Variants in CLSTN2 observed in about 807,000 individuals in gnomAD.
The protein encoded by CLSTN2 is calsyntenin 2.
In CLSTN2, 48 loss-of-function variants were observed where a neutral mutation model predicts 101.2. That is an observed-to-expected ratio of 0.47 (90% CI 0.38 to 0.60). The LOEUF is 0.60. Among genes scored for constraint, CLSTN2 ranks in the 20% least tolerant of loss-of-function variants. CLSTN2 has a pLI of 0.00. For synonymous variants in CLSTN2, 481 were observed against 463.6 expected (o/e 1.04, Z -0.48); for missense variants, 1,160 against 1,238.2 (o/e 0.94, Z 0.95).
At position 140,396,471 on chromosome 3, in the gene CLSTN2, G is replaced by C. The variant is rs2088184478; in HGVS notation, c.233-7158G>C. Among the ~76,000 whole-genome samples the C allele has an allele frequency of 3.3e-5, 5 of 152,104 alleles. No individual in the cohort carries two copies. The South Asian group carries it at 1.0e-3, about 32-fold the overall frequency. ...GACTTTTCTTCAATATAATAACAGG[G>C]AAGAGAGCTAACAATTACACAGTGC... is the stretch of plus-strand genomic sequence containing the variant. On this transcript the variant is annotated intron_variant, in intron 2 of 16. Coordinates refer to ENST00000458420, the MANE Select transcript of CLSTN2 (RefSeq NM_022131.3).
intron 2 of CLSTN2, among the ~76,000 whole-genome samples, chr3:140,396,677 A>C: frequency 6.6e-6 from 1 of 152,182 alleles, no homozygotes; most frequent in Non-Finnish European, 1.5e-5. Flanking sequence ...CCAGATTTGG[A>C]TAGAGATGTG....
chr3:140,385,910 G>A (rs1024345489), intron 2 of CLSTN2, among the ~76,000 whole-genome samples: 3 of 152,152 alleles, frequency 2.0e-5, no homozygotes, highest in East Asian at 1.9e-4. Flanking sequence ...TTGACAGCTG[G>A]CAAAGAGAAG....
intron 2 of CLSTN2, among the ~76,000 whole-genome samples, chr3:140,362,907 A>C (rs375824986): frequency 3.9e-5 from 6 of 152,324 alleles, no homozygotes; most frequent in African/African-American, 1.4e-4. Context: ...CCACCACTTT[A>C]GGAAAACAGT....
intron 1 of CLSTN2, among the ~76,000 whole-genome samples, chr3:140,031,875 G>A (rs758956211): frequency 3.3e-5 from 5 of 152,228 alleles, no homozygotes; most frequent in Non-Finnish European, 7.3e-5. Context: ...GTGTCCTTCA[G>A]CCACTGCACA....
At chr3:140,472,113 C>A (rs1441040254) in intron 8 of CLSTN2, among the ~76,000 whole-genome samples, 1 of 152,150 alleles carries the variant, frequency 6.6e-6, no homozygotes, top group Non-Finnish European at 1.5e-5. Flanking sequence ...GGGAGCTTCT[C>A]AGGTCCCCAG....
intron 2 of CLSTN2, among the ~76,000 whole-genome samples, chr3:140,367,534 A>T (rs890046026): frequency 2.2e-5 from 3 of 135,122 alleles, no homozygotes; most frequent in Admixed American, 7.4e-5. Context: ...AAAAAAAAAA[A>T]GGAAAGAGAA....
rs754501382 is a variant in CLSTN2, at chr3:140,403,727, C to G, written c.331C>G (p.Pro111Ala). ...SGEGRLRAKSPIDCELQKEYT... is the reference protein window; with the variant it reads ...SGEGRLRAKSAIDCELQKEYT... ...AGAGGGCCGGCTCCGTGCCAAGAGC[C>G]CCATTGACTGTGAGTTGCAGAAGGA... Residue 111 changes from proline to alanine, a missense_variant, in exon 3 of 17, where the codon CCC becomes GCC. Pro to Ala is a conservative substitution (Grantham distance 27, BLOSUM62 -1). Transcript: ENST00000458420. 5.0e-6 allele frequency: 8 copies of G among 1,614,014 alleles called. No homozygotes were observed. In the African/African-American group the frequency reaches 1.1e-4, roughly 22 times the overall value.
intron 1 of CLSTN2, among the ~76,000 whole-genome samples, chr3:140,144,778 A>G (rs777671688): frequency 5.3e-5 from 8 of 152,218 alleles, no homozygotes; most frequent in African/African-American, 1.7e-4. Flanking sequence ...GCCACCTGGC[A>G]TCTGGAATCC....
At chr3:140,481,890 G>A (rs1934124817) in intron 8 of CLSTN2, among the ~76,000 whole-genome samples, 1 of 152,214 alleles carries the variant, frequency 6.6e-6, no homozygotes, top group Non-Finnish European at 1.5e-5. Context: ...CATGTCGTCT[G>A]CAAACAGGGA....
chr3:140,336,031 G>C (rs909998280), intron 2 of CLSTN2, among the ~76,000 whole-genome samples: 52 of 152,134 alleles, frequency 3.4e-4, no homozygotes, highest in African/African-American at 1.2e-3. Flanking sequence ...TGTCATGGTT[G>C]GGGCTTTGGA....
At chr3:140,246,283 A>G (rs1045288673) in intron 2 of CLSTN2, among the ~76,000 whole-genome samples, 5 of 152,136 alleles carry the variant, frequency 3.3e-5, no homozygotes, top group Non-Finnish European at 7.4e-5. Flanking sequence ...ATGAAATGTT[A>G]ATTGAATGCA....
chr3:140,239,658 T>A (rs2086443492), intron 2 of CLSTN2, among the ~76,000 whole-genome samples: 1 of 152,142 alleles, frequency 6.6e-6, no homozygotes, highest in Non-Finnish European at 1.5e-5. Flanking sequence ...GCTAATGCAG[T>A]ATTTTCTAAA....
rs550752376 is a variant in CLSTN2 at position 139,935,856 on chromosome 3, G to A, written c.109+373G>A. On this transcript the variant is annotated intron_variant, in intron 1 of 16. Transcript: ENST00000458420. This position sits in a 1 kb window ranked among gnomAD's most constrained non-coding sequence, Gnocchi z 5.5. ...TGGGGACAAGCAGGTGTCTGCTCCTGCCTGGGGGAAGGATCAGCGGCGGTG... is the reference window on the plus strand; with the variant it reads ...TGGGGACAAGCAGGTGTCTGCTCCTACCTGGGGGAAGGATCAGCGGCGGTG... Among the ~76,000 whole-genome samples, 1 of 152,152 alleles carries A rather than the reference G, an allele frequency of 6.6e-6. No individual in the cohort carries two copies. Among genetic ancestry groups the A allele is most frequent in the African/African-American group, 2.4e-5 (1 of 41,466 alleles).
At chr3:140,366,674 C>T (rs2087794140) in intron 2 of CLSTN2, among the ~76,000 whole-genome samples, 1 of 152,230 alleles carries the variant, frequency 6.6e-6, no homozygotes, top group Non-Finnish European at 1.5e-5. Flanking sequence ...AGCTCAGACA[C>T]TGCCTCTTCC....
chr3:140,395,940 G>A (rs570497125), intron 2 of CLSTN2, among the ~76,000 whole-genome samples: 1 of 152,276 alleles, frequency 6.6e-6, no homozygotes, highest in South Asian at 2.1e-4. Flanking sequence ...TGAAGGAGAG[G>A]CTTTATAAGA....
At chr3:140,356,278 G>A (rs570029704) in intron 2 of CLSTN2, among the ~76,000 whole-genome samples, 5 of 152,166 alleles carry the variant, frequency 3.3e-5, no homozygotes, top group African/African-American at 7.2e-5. Context: ...TGTGCTGGGA[G>A]TCAGCAGAGC....
intron 4 of CLSTN2, among the ~76,000 whole-genome samples, chr3:140,413,049 A>G (rs1434838030): frequency 6.6e-6 from 1 of 152,194 alleles, no homozygotes; most frequent in African/African-American, 2.4e-5. Context: ...AAAGATTAGA[A>G]CAGAAATAAT....
chr3:140,468,888 C>T (rs1302473481), intron 8 of CLSTN2, among the ~76,000 whole-genome samples: 5 of 152,232 alleles, frequency 3.3e-5, no homozygotes, highest in Admixed American at 3.3e-4. Flanking sequence ...TATTCTTTGT[C>T]AGCTCAGGCT....
chr3:140,336,125 G>A (rs2087437602), intron 2 of CLSTN2, among the ~76,000 whole-genome samples: 3 of 152,132 alleles, frequency 2.0e-5, no homozygotes, highest in African/African-American at 7.2e-5. Context: ...AGTTATTTGT[G>A]GGTCACATAC....
Sources: gnomAD v4.1 joint callset for allele counts (sites outside exome capture counted in the v4.1 genomes callset) on GRCh38, gnomAD v4.1.1 for gene constraint, Gnocchi (gnomAD v3.1) non-coding constraint, MANE v1.5 for transcripts, NCBI Gene and HGNC (gene_info 2026-07-23, HGNC 2026-07-21) for gene names.